The following LGSN variants were observed in gnomAD, a reference collection of about 807,000 sequenced individuals.
LGSN encodes the protein lengsin.
Under a neutral mutation model 19.5 loss-of-function variants are expected in LGSN, and 21 were observed. The ratio of observed to expected loss-of-function variants is 1.07; its 90% confidence interval spans 0.76 to 1.55. LGSN has a LOEUF of 1.55. Among genes scored for constraint, LGSN ranks in the 40% most tolerant of loss-of-function variants. The pLI is 0.00. For synonymous variants in LGSN, 257 were observed against 215.6 expected (o/e 1.19, Z -1.68); for missense variants, 673 against 608.5 (o/e 1.11, Z -1.12).
the LGSN span, among the ~76,000 whole-genome samples, chr6:63,338,344 C>T: frequency 6.6e-6 from 1 of 152,202 alleles, no homozygotes; most frequent in African/African-American, 2.4e-5. Flanking sequence ...ATTTCAGATT[C>T]TTCCATAGCA....
chr6:63,497,268 G>T, the LGSN span, among the ~76,000 whole-genome samples: 2,333 of 152,230 alleles, frequency 0.015, 70 homozygotes, highest in African/African-American at 0.053. Context: ...AAATATTAGG[G>T]CTGAGTGCAG....
the LGSN span, among the ~76,000 whole-genome samples, chr6:63,446,818 G>A: frequency 1.3e-5 from 2 of 152,212 alleles, no homozygotes; most frequent in African/African-American, 4.8e-5. Context: ...GGGAGGCTGA[G>A]GCAGGTGGAT....
At chr6:63,514,049 T>C in the LGSN span, among the ~76,000 whole-genome samples, 1 of 151,694 alleles carries the variant, frequency 6.6e-6, no homozygotes, top group South Asian at 2.1e-4. Flanking sequence ...TATAAAATAA[T>C]TAGCGAAAAA....
the LGSN span, among the ~76,000 whole-genome samples, chr6:63,376,089 A>T: frequency 2.6e-5 from 4 of 152,148 alleles, no homozygotes; most frequent in Non-Finnish European, 5.9e-5. Flanking sequence ...TCTCCACGAT[A>T]TATGATTCTT....
the LGSN span, among the ~76,000 whole-genome samples, chr6:63,519,689 T>C: frequency 6.6e-6 from 1 of 152,328 alleles, no homozygotes; most frequent in East Asian, 1.9e-4. Flanking sequence ...GTCAGTCTAC[T>C]AAAATCCAGA....
the LGSN span, among the ~76,000 whole-genome samples, chr6:63,469,183 A>G: frequency 6.6e-6 from 1 of 152,340 alleles, no homozygotes; most frequent in East Asian, 1.9e-4. Context: ...TATTACATGT[A>G]CATATGGGTC....
the LGSN span, among the ~76,000 whole-genome samples, chr6:63,536,560 A>G: frequency 5.9e-5 from 9 of 152,160 alleles, no homozygotes; most frequent in African/African-American, 9.7e-5. Flanking sequence ...ATCACCACTT[A>G]TATTTTATCC....
chr6:63,532,800 A>G, the LGSN span, among the ~76,000 whole-genome samples: 1 of 152,204 alleles, frequency 6.6e-6, no homozygotes, highest in Non-Finnish European at 1.5e-5. Flanking sequence ...ATTGAATTCT[A>G]TTTGGGAATA....
chr6:63,391,342 C>G, the LGSN span, among the ~76,000 whole-genome samples: 7 of 152,196 alleles, frequency 4.6e-5, no homozygotes, highest in African/African-American at 9.7e-5. Flanking sequence ...CAGCCAGCAG[C>G]TGGAACTGTA....
At chr6:63,477,329 CATA>C in the LGSN span, among the ~76,000 whole-genome samples, 61 of 152,300 alleles carry the variant, frequency 4.0e-4, no homozygotes, top group South Asian at 2.1e-3. Context: ...AAATAAAACT[CATA>C]ATATCACATT....
chr6:63,332,407 G>A, the LGSN span, among the ~76,000 whole-genome samples: 2 of 152,096 alleles, frequency 1.3e-5, no homozygotes, highest in Non-Finnish European at 2.9e-5. Context: ...GTCTCACTTG[G>A]GCGACATGCC....
chr6:63,572,668 C>T, the LGSN span: 2 of 410,046 alleles, frequency 4.9e-6, no homozygotes, highest in Non-Finnish European at 4.3e-6. Flanking sequence ...GCCGCCGCCT[C>T]GGGACCGGCT....
intron 2 of LGSN, 94 bp from the exon 3 acceptor site, chr6:63,285,847 A>C: frequency 1.1e-6 from 1 of 907,232 alleles, no homozygotes; most frequent in Non-Finnish European, 1.7e-6. Flanking sequence ...CAATATTATT[A>C]ACAAAAACAT....
chr6:63,478,932 G>C, the LGSN span, among the ~76,000 whole-genome samples: 33 of 152,148 alleles, frequency 2.2e-4, no homozygotes, highest in Non-Finnish European at 2.6e-4. Flanking sequence ...TACCACAGTG[G>C]TTACAATGGT....
chr6:63,508,115 T>C, the LGSN span, among the ~76,000 whole-genome samples: 1 of 152,196 alleles, frequency 6.6e-6, no homozygotes, highest in Non-Finnish European at 1.5e-5. Context: ...ATCACATATC[T>C]TACTCCAGAA....
chr6:63,549,617 C>A, the LGSN span: 1 of 496,454 alleles, frequency 2.0e-6, no homozygotes, highest in Non-Finnish European at 3.5e-6. Flanking sequence ...CAATGGAATA[C>A]TAATTATCCA....
the LGSN span, among the ~76,000 whole-genome samples, chr6:63,404,927 G>T: frequency 2.0e-5 from 3 of 151,398 alleles, no homozygotes. Flanking sequence ...CTATCATTAG[G>T]TATATCTCCC....
chr6:63,440,306 G>GTT, the LGSN span, among the ~76,000 whole-genome samples: 1 of 152,190 alleles, frequency 6.6e-6, no homozygotes, highest in Non-Finnish European at 1.5e-5. Context: ...AGTTCAGGCC[G>GTT]TTTGTAGGTG....
the LGSN span, among the ~76,000 whole-genome samples, chr6:63,408,605 A>T: frequency 6.6e-6 from 1 of 150,642 alleles, no homozygotes; most frequent in Non-Finnish European, 1.5e-5. Flanking sequence ...ATTACCAATC[A>T]GGACATAGGC....
Sources: gnomAD v4.1 joint callset for allele counts (sites outside exome capture counted in the v4.1 genomes callset) on GRCh38, gnomAD v4.1.1 for gene constraint, MANE v1.5 for transcripts, NCBI Gene and HGNC (gene_info 2026-07-23, HGNC 2026-07-21) for gene names.